The following SLCO3A1 variants were observed in gnomAD, a reference collection of about 807,000 sequenced individuals.
SLCO3A1 encodes solute carrier organic anion transporter family member 3A1.
In SLCO3A1, 27 loss-of-function variants were observed where a neutral mutation model predicts 63.1. The ratio of observed to expected loss-of-function variants is 0.43; its 90% CI spans 0.32 to 0.59. The LOEUF is 0.59. Ranked by LOEUF, SLCO3A1 falls within the 20% of genes least tolerant of loss-of-function variation. The pLI, the probability that SLCO3A1 is intolerant of heterozygous loss-of-function variation, is 0.09. For synonymous variants in SLCO3A1, 473 were observed against 409.9 expected, an observed-to-expected ratio of 1.15 and a Z score of -1.86; for missense variants, 773 against 945.8, an observed-to-expected ratio of 0.82 and a Z score of 2.40.
At chr15:92,155,211 T>C (rs1000735499) in intron 9 of SLCO3A1, 2 of 152,256 alleles carry the variant, frequency 1.3e-5, no homozygotes, top group Admixed American at 6.5e-5. Flanking sequence ...GCTACTCCTT[T>C]TCTCTCCAGG....
rs1353567395 is a variant in SLCO3A1 at position 91,942,804 on chromosome 15, A to C, written c.646+26346A>C. Among the ~76,000 whole-genome samples, 1 of 152,134 alleles carries C rather than the reference A, an allele frequency of 6.6e-6. No individual in the cohort carries two copies. The highest frequency in any genetic ancestry group is 1.5e-5 in the Non-Finnish European group (1 of 68,024). On this transcript the variant is annotated intron_variant, in intron 2 of 9. Coordinates refer to ENST00000318445, the MANE Select transcript of SLCO3A1 (RefSeq NM_013272.4). This position sits in a 1 kb window ranked among gnomAD's most constrained non-coding sequence, Gnocchi z 4.1. ...CTCAAATTCCTGACCTAAAGTGATC[A>C]GGTCACTGATCACTCCTCCCAAGGA... is the stretch of plus-strand genomic sequence containing the variant.
chr15:91,985,560 A>T (rs1014048390), intron 2 of SLCO3A1, among the ~76,000 whole-genome samples: 1 of 152,178 alleles, frequency 6.6e-6, no homozygotes, highest in Non-Finnish European at 1.5e-5. Flanking sequence ...ACGTTTCCTA[A>T]TGAGCACGGG....
chr15:91,928,055 A>C (rs1230618198), intron 2 of SLCO3A1, among the ~76,000 whole-genome samples: 1 of 152,272 alleles, frequency 6.6e-6, no homozygotes, highest in Non-Finnish European at 1.5e-5. Context: ...TAGGCAGTAC[A>C]TAGAGGAAAA....
chr15:91,883,811 A>G lies in SLCO3A1; in HGVS notation c.180+29723A>G, dbSNP rs1297114306. 6.6e-6 allele frequency among the ~76,000 whole-genome samples: 1 copy of G among 152,184 alleles called. No individual in the cohort carries two copies. The highest frequency in any genetic ancestry group is 1.5e-5 in the Non-Finnish European group (1 of 68,038). On this transcript the variant is annotated intron_variant, in intron 1 of 9. Transcript: ENST00000318445. This position sits in a 1 kb window ranked among gnomAD's most constrained non-coding sequence, Gnocchi z 4.8. Reference sequence around the variant, plus strand: ...ATCCTGATAGTACATCACAGTTGCTACACTCACTTCTGTGGGTCCACACCC... The same window carrying G: ...ATCCTGATAGTACATCACAGTTGCTGCACTCACTTCTGTGGGTCCACACCC...
At chr15:92,057,766 C>T (rs1385017603) in intron 2 of SLCO3A1, among the ~76,000 whole-genome samples, 1 of 152,208 alleles carries the variant, frequency 6.6e-6, no homozygotes, top group African/African-American at 2.4e-5. Context: ...TCAGAGCCAT[C>T]CCATTTCTCA....
At chr15:92,116,324 C>CTAG (rs1296648890) in intron 4 of SLCO3A1, among the ~76,000 whole-genome samples, 2 of 152,232 alleles carry the variant, frequency 1.3e-5, no homozygotes, top group African/African-American at 4.8e-5. Context: ...CTACAGGAAT[C>CTAG]TCTTAAAGAC....
At chr15:91,971,644 C>A (rs890405177) in intron 2 of SLCO3A1, among the ~76,000 whole-genome samples, 1 of 151,994 alleles carries the variant, frequency 6.6e-6, no homozygotes, top group African/African-American at 2.4e-5. Flanking sequence ...GCATGAGTTA[C>A]AGCATTGTTT....
chr15:92,093,952 C>A (rs2047508363), intron 2 of SLCO3A1, among the ~76,000 whole-genome samples: 1 of 152,130 alleles, frequency 6.6e-6, no homozygotes, highest in Non-Finnish European at 1.5e-5. Context: ...CTGGAATTAC[C>A]CATGCACTGA....
intron 2 of SLCO3A1, among the ~76,000 whole-genome samples, chr15:92,022,709 A>G (rs75511870): frequency 3.7e-4 from 57 of 152,338 alleles, no homozygotes; most frequent in Non-Finnish European, 7.3e-4. Flanking sequence ...AAATGGTATA[A>G]TAGGTAGTTG....
chr15:91,936,957 C>G (rs1387379414), intron 2 of SLCO3A1, among the ~76,000 whole-genome samples: 3 of 152,176 alleles, frequency 2.0e-5, no homozygotes, highest in Non-Finnish European at 4.4e-5. Flanking sequence ...ATTTAAGTTG[C>G]TGAGTACAGA....
chr15:92,099,129 C>G (rs1057268954), intron 3 of SLCO3A1, among the ~76,000 whole-genome samples: 6 of 152,234 alleles, frequency 3.9e-5, no homozygotes, highest in Non-Finnish European at 8.8e-5. Flanking sequence ...GAGGCACACA[C>G]CAGCCGGCCT....
intron 2 of SLCO3A1, among the ~76,000 whole-genome samples, chr15:91,964,243 C>G (rs760780258): frequency 1.3e-5 from 2 of 152,098 alleles, no homozygotes; most frequent in African/African-American, 2.4e-5. Flanking sequence ...CACAAGACTT[C>G]TGTGTGATTG....
At chr15:91,896,061 G>T (rs892109416) in intron 1 of SLCO3A1, among the ~76,000 whole-genome samples, 2 of 152,162 alleles carry the variant, frequency 1.3e-5, no homozygotes, top group African/African-American at 4.8e-5. Flanking sequence ...CTCAATGTTT[G>T]TGTCTCCTAT....
intron 1 of SLCO3A1, among the ~76,000 whole-genome samples, chr15:91,877,642 C>G (rs904054518): frequency 6.6e-6 from 1 of 151,968 alleles, no homozygotes; most frequent in Admixed American, 6.6e-5. Context: ...TAGGGAAGGC[C>G]TTTGGGAAGG....
rs189507672 is a variant in SLCO3A1, at chr15:91,860,667, G to A, written c.180+6579G>A. Among the ~76,000 whole-genome samples the A allele has an allele frequency of 3.7e-3, 562 of 152,324 alleles. 3 individuals carry two copies. The highest frequency in any genetic ancestry group is 3.5e-3 in the Non-Finnish European group (239 of 68,028). ...AGGGAGCCCGAGGTGTCAGGAGGGC[G>A]AGGACAAAGGGACATATGTTGTGGA... On this transcript the variant is annotated intron_variant, in intron 1 of 9. Coordinates refer to ENST00000318445, the MANE Select transcript of SLCO3A1 (RefSeq NM_013272.4). This position sits in a 1 kb window ranked among gnomAD's most constrained non-coding sequence, Gnocchi z 5.5.
chr15:92,008,524 T>C (rs1408169788), intron 2 of SLCO3A1, among the ~76,000 whole-genome samples: 1 of 152,234 alleles, frequency 6.6e-6, no homozygotes, highest in Non-Finnish European at 1.5e-5. Flanking sequence ...GTTTTCGTTT[T>C]AAATTCCTTG....
At chr15:91,908,541 T>C (rs909741944) in intron 1 of SLCO3A1, 5 of 152,100 alleles carry the variant, frequency 3.3e-5, no homozygotes, top group African/African-American at 1.2e-4. Flanking sequence ...GCATTTTGTG[T>C]GCCATTTCCC....
intron 2 of SLCO3A1, among the ~76,000 whole-genome samples, chr15:91,975,663 C>T (rs1331807151): frequency 6.6e-6 from 1 of 152,254 alleles, no homozygotes; most frequent in Non-Finnish European, 1.5e-5. Flanking sequence ...TACAACCTTC[C>T]TCTCAGCCTG....
Position 92,147,145 on chromosome 15 carries a change from C to T in SLCO3A1, c.1674C>T (p.Val558=), listed in dbSNP as rs760556504. 3.1e-6 allele frequency: 5 copies of T among 1,611,720 alleles called. No individual in the cohort carries two copies. The highest frequency in any genetic ancestry group is 1.7e-6 in the Non-Finnish European group (2 of 1,179,272). ...LIGAMAQTPS[V]IILIRTVSPE... is the part of the protein sequence containing the mutation. ...GTGCCATGGCACAGACACCCTCAGT[C>T]ATCATCCTCATCAGGTAAGCCCTCG... The change falls in exon 8 of 10, where the codon GTC becomes GTT. Residue 558 remains valine (V), a synonymous_variant. Coordinates refer to ENST00000318445, the MANE Select transcript of SLCO3A1 (RefSeq NM_013272.4).
Sources: gnomAD v4.1 joint callset for allele counts (sites outside exome capture counted in the v4.1 genomes callset) on GRCh38, gnomAD v4.1.1 for gene constraint, Gnocchi (gnomAD v3.1) non-coding constraint, MANE v1.5 for transcripts, NCBI Gene and HGNC (gene_info 2026-07-23, HGNC 2026-07-21) for gene names.